Variants in KRTAP10-5 observed in about 807,000 individuals in gnomAD.
The protein encoded by KRTAP10-5 is keratin associated protein 10-5, also known as keratin-associated protein 10-5.
For missense variants in KRTAP10-5, 370 were observed against 351.2 expected (o/e 1.05, Z -0.43); for synonymous variants, 157 against 151.9 (o/e 1.03, Z -0.25).
At position 44,580,332 on chromosome 21, in the gene KRTAP10-5, G is replaced by C. The variant is rs782197151; in HGVS notation, c.247C>G (p.Pro83Ala). 1.7e-5 allele frequency: 27 copies of C among 1,613,738 alleles called. No homozygotes were observed. Among genetic ancestry groups the C allele is most frequent in the Non-Finnish European group, 2.1e-5 (25 of 1,179,998 alleles). ...GGCACGCAGCAGGCCTGCTGGCAGGGGGAGGAGGCGCAGCAAGCCGGCTGG... is the reference window on the plus strand; with the variant it reads ...GGCACGCAGCAGGCCTGCTGGCAGGCGGAGGAGGCGCAGCAAGCCGGCTGG... ...CCQPACCASS[P>A]CQQACCVPVC... Residue 83 changes from proline to alanine, a missense_variant, in exon 1 of 1, where the codon CCC (proline) becomes GCC (alanine). Pro to Ala is a conservative substitution (Grantham distance 27, BLOSUM62 -1). Coordinates refer to ENST00000400372, the MANE Select transcript of KRTAP10-5 (RefSeq NM_198694.3).
At position 44,580,224 on chromosome 21, in the gene KRTAP10-5, T is replaced by G; in HGVS notation, c.355A>C (p.Thr119Pro). 9 of 1,609,372 alleles carry G rather than the reference T, an allele frequency of 5.6e-6. No individual in the cohort carries two copies. The highest frequency in any genetic ancestry group is 7.6e-6 in the Non-Finnish European group (9 of 1,178,748). Reference sequence around the variant, plus strand: ...TGGCAGGAGGAAGAGGCACAGCAAGTTGGCTGGCAGCTAGACTGCTGGCAG... The same window carrying G: ...TGGCAGGAGGAAGAGGCACAGCAAGGTGGCTGGCAGCTAGACTGCTGGCAG... ...SCCQQSSCQP[T>P]CCASSSCQQS... Residue 119 changes from threonine (T) to proline (P), a missense_variant, in exon 1 of 1, where the codon ACT becomes CCT. Transcript: ENST00000400372.
rs1555924712 is a variant in KRTAP10-5, at chr21:44,579,961, C to T, written c.618G>A (p.Gln206=). ...AGCAGGAGGTGGTGCAGCAAGCCGGCTGACAGCTAGACTGCTGGCAGCATG... is the reference window on the plus strand; with the variant it reads ...AGCAGGAGGTGGTGCAGCAAGCCGGTTGACAGCTAGACTGCTGGCAGCATG... ...STSCCQQSSC[Q]PACCTTSCCR... Residue 206 remains glutamine, a synonymous_variant, in exon 1 of 1, where the codon CAG becomes CAA. Coordinates refer to ENST00000400372, the MANE Select transcript of KRTAP10-5 (RefSeq NM_198694.3). 2.5e-6 allele frequency: 4 copies of T among 1,614,014 alleles called. No homozygotes were observed. The highest frequency in any genetic ancestry group is 1.1e-5 in the South Asian group (1 of 91,062).
In KRTAP10-5 at chr21:44,580,332, G is replaced by T. The variant is rs782197151; in HGVS notation, c.247C>A (p.Pro83Thr). ...GGCACGCAGCAGGCCTGCTGGCAGG[G>T]GGAGGAGGCGCAGCAAGCCGGCTGG... ...CCQPACCASS[P>T]CQQACCVPVC... The change falls in exon 1 of 1, where the codon CCC becomes ACC. Residue 83 changes from proline to threonine, a missense_variant. Transcript: ENST00000400372. 4 of 1,613,738 alleles carry T rather than the reference G, an allele frequency of 2.5e-6. No homozygotes were observed. The highest frequency in any genetic ancestry group is 3.4e-6 in the Non-Finnish European group (4 of 1,179,998).
At position 44,580,311 on chromosome 21, in the gene KRTAP10-5, C is replaced by T. The variant is rs782464076; in HGVS notation, c.268G>A (p.Val90Met). The T allele has an allele frequency of 5.1e-5, 83 of 1,613,748 alleles. No homozygotes were observed. The highest frequency in any genetic ancestry group is 6.5e-5 in the Non-Finnish European group (77 of 1,179,962). ...CACACAGGCTTGCAGCAGACGGGCACGCAGCAGGCCTGCTGGCAGGGGGAG... is the reference window on the plus strand; with the variant it reads ...CACACAGGCTTGCAGCAGACGGGCATGCAGCAGGCCTGCTGGCAGGGGGAG... ...ASSPCQQACC[V>M]PVCCKPVCCL... The change falls in exon 1 of 1, where the codon GTG becomes ATG. Residue 90 changes from valine to methionine, a missense_variant. By Grantham distance (21) the Val-to-Met change is conservative. Transcript: ENST00000400372.
rs1978818725 is a variant in KRTAP10-5 at position 44,580,086 on chromosome 21, A to T, written c.493T>A (p.Ser165Thr). 6.2e-7 allele frequency: 1 copy of T among 1,613,166 alleles called. No homozygotes were observed. Among genetic ancestry groups the T allele is most frequent in the Admixed American group, 1.7e-5 (1 of 59,800 alleles). The change falls in exon 1 of 1, where the codon TCC (serine) becomes ACC (threonine). Residue 165 changes from serine (S) to threonine (T), a missense_variant. Physicochemically the swap from Ser to Thr is moderately conservative, Grantham distance 58 (BLOSUM62 1). Transcript: ENST00000400372. ...HSSCQPTCCT[S>T]SPCQQSCYVP... ...TAGCAGGACTGCTGGCAGGGGGAGG[A>T]GGTGCAGCAAGTCGGCTGGCAGCTA...
In KRTAP10-5 at chr21:44,579,887, G is replaced by T. The variant is rs1569198876; in HGVS notation, c.692C>A (p.Pro231His). The T allele has an allele frequency of 6.2e-7, 1 of 1,600,504 alleles. No homozygotes were observed. Among genetic ancestry groups the T allele is most frequent in the East Asian group, 2.3e-5 (1 of 44,160 alleles). Residue 231 changes from proline to histidine, a missense_variant, in exon 1 of 1, where the codon CCC becomes CAC. By Grantham distance (77) the Pro-to-His change is moderately conservative. Coordinates refer to ENST00000400372, the MANE Select transcript of KRTAP10-5 (RefSeq NM_198694.3). ...GGAGGAGATGGGCAGGCAGCAGGCG[G>T]GCCTGCATATGGGGCGGCAGAGGAG... ...VSLLCRPICR[P>H]ACCLPISSCC...
Position 44,580,195 on chromosome 21 carries a change from C to G in KRTAP10-5, c.384G>C (p.Gln128His), listed in dbSNP as rs782386606. 4 of 1,614,002 alleles carry G rather than the reference C, an allele frequency of 2.5e-6. No individual in the cohort carries two copies. Among genetic ancestry groups the G allele is most frequent in the Non-Finnish European group, 8.5e-7 (1 of 1,179,982 alleles). The change falls in exon 1 of 1, where the codon CAG becomes CAC. Residue 128 changes from glutamine (Q) to histidine (H), a missense_variant. Transcript: ENST00000400372. ...PTCCASSSCQ[Q>H]SCCVPVCCKP... ...TGCAGCAGACAGGCACACAGCAGGA[C>G]TGCTGGCAGGAGGAAGAGGCACAGC...
At position 44,579,970 on chromosome 21, in the gene KRTAP10-5, A is replaced by G. The variant is rs1569199026; in HGVS notation, c.609T>C (p.Ser203=). The change falls in exon 1 of 1, where the codon TCT becomes TCC. Residue 203 remains serine (S), a synonymous_variant. Coordinates refer to ENST00000400372, the MANE Select transcript of KRTAP10-5 (RefSeq NM_198694.3). ...SGASTSCCQQ[S]SCQPACCTTS... ...TGGTGCAGCAAGCCGGCTGACAGCT[A>G]GACTGCTGGCAGCATGAAGTGGAAG... 6.2e-7 allele frequency: 1 copy of G among 1,613,944 alleles called. No homozygotes were observed.
chr21:44,579,632 T>G lies in KRTAP10-5; in HGVS notation c.*131A>C. 1 of 1,156,842 alleles carries G rather than the reference T, an allele frequency of 8.6e-7. No individual in the cohort carries two copies. The highest frequency in any genetic ancestry group is 1.2e-6 in the Non-Finnish European group (1 of 832,378). The allele number at this position is 1,156,842 out of a possible 1,614,324, so 71.7% of individuals were successfully genotyped here. ...TCGAGGATGGAGATTCCTGGGAGTA[T>G]GGAGGGGGGGGTCACCTCAGCACAT... On this transcript the variant is annotated 3_prime_UTR_variant, in exon 1 of 1. Coordinates refer to ENST00000400372, the MANE Select transcript of KRTAP10-5 (RefSeq NM_198694.3).
In KRTAP10-5 at chr21:44,579,571, G is replaced by T; in HGVS notation, c.*192C>A. 1.4e-6 allele frequency: 1 copy of T among 704,778 alleles called. No homozygotes were observed. The highest frequency in any genetic ancestry group is 1.9e-5 in the South Asian group (1 of 51,536). The allele number at this position is 704,778 out of a possible 1,614,324, so 43.7% of individuals were successfully genotyped here. ...GGGAGGACAGGGGACCCAACAGGCA[G>T]GTGGGCCCCTGCTGGGAGGCAGGAG... On this transcript the variant is annotated 3_prime_UTR_variant, in exon 1 of 1. Coordinates refer to ENST00000400372, the MANE Select transcript of KRTAP10-5 (RefSeq NM_198694.3).
chr21:44,580,159 G>A lies in KRTAP10-5; in HGVS notation c.420C>T (p.Cys140=). 6.2e-7 allele frequency: 1 copy of A among 1,613,738 alleles called. No individual in the cohort carries two copies. The highest frequency in any genetic ancestry group is 8.5e-7 in the Non-Finnish European group (1 of 1,179,944). ...AATCCTCAGAACAGGTGGGCACACA[G>A]CACACGGGCTTGCAGCAGACAGGCA... is the stretch of plus-strand genomic sequence containing the variant. ...CCVPVCCKPV[C]CVPTCSEDSS... is the part of the protein sequence containing the mutation. The change falls in exon 1 of 1, where the codon TGC becomes TGT. Residue 140 remains cysteine, a synonymous_variant. Transcript: ENST00000400372.
chr21:44,579,695 G>A lies in KRTAP10-5; in HGVS notation c.*68C>T, dbSNP rs1358277115. On this transcript the variant is annotated 3_prime_UTR_variant, in exon 1 of 1. Transcript: ENST00000400372. ...CCAAGCGGGGGCAACCTCCTAACCCGAGTCAGGACCAGTTGGCCCTGGGGG... is the reference window on the plus strand; with the variant it reads ...CCAAGCGGGGGCAACCTCCTAACCCAAGTCAGGACCAGTTGGCCCTGGGGG... 5.8e-6 allele frequency: 9 copies of A among 1,556,236 alleles called. No individual in the cohort carries two copies. Among genetic ancestry groups the A allele is most frequent in the African/African-American group, 2.7e-5 (2 of 73,578 alleles).
rs782093945 is a variant in KRTAP10-5 at position 44,580,557 on chromosome 21, C to G, written c.22G>C (p.Val8Leu). ...GAGTCAGAGCAAGCGCTGGAGCAGA[C>G]GGACATGGTGCACGCGGCCATGCTG... MAACTMS[V>L]CSSACSDSWR... The change falls in exon 1 of 1, where the codon GTC (valine) becomes CTC (leucine). Residue 8 changes from valine to leucine, a missense_variant. Transcript: ENST00000400372. 1 of 1,612,838 alleles carries G rather than the reference C, an allele frequency of 6.2e-7. No homozygotes were observed. The highest frequency in any genetic ancestry group is 2.2e-5 in the East Asian group (1 of 44,880).
At position 44,579,685 on chromosome 21, in the gene KRTAP10-5, C is replaced by G; in HGVS notation, c.*78G>C. ...GGGCCCCGTCCCAAGCGGGGGCAAC[C>G]TCCTAACCCGAGTCAGGACCAGTTG... is the stretch of plus-strand genomic sequence containing the variant. On this transcript the variant is annotated 3_prime_UTR_variant, in exon 1 of 1. Coordinates refer to ENST00000400372, the MANE Select transcript of KRTAP10-5 (RefSeq NM_198694.3). 4.5e-6 allele frequency: 7 copies of G among 1,546,056 alleles called. No individual in the cohort carries two copies. In the South Asian group the frequency reaches 8.6e-5, roughly 19 times the overall value.
rs1487971619 is a variant in KRTAP10-5, at chr21:44,580,536, C to T, written c.43G>A (p.Asp15Asn). The change falls in exon 1 of 1, where the codon GAC becomes AAC. Residue 15 changes from aspartate to asparagine, a missense_variant. Coordinates refer to ENST00000400372, the MANE Select transcript of KRTAP10-5 (RefSeq NM_198694.3). Reference sequence around the variant, plus strand: ...GGGCAGTCGTCCACTCGCCAGGAGTCAGAGCAAGCGCTGGAGCAGACGGAC... The same window carrying T: ...GGGCAGTCGTCCACTCGCCAGGAGTTAGAGCAAGCGCTGGAGCAGACGGAC... ...TMSVCSSACSDSWRVDDCPES... is the reference protein window; with the variant it reads ...TMSVCSSACSNSWRVDDCPES... 8 of 1,613,594 alleles carry T rather than the reference C, an allele frequency of 5.0e-6. No homozygotes were observed. Among genetic ancestry groups the T allele is most frequent in the Non-Finnish European group, 5.1e-6 (6 of 1,179,934 alleles).
chr21:44,580,563 T>A lies in KRTAP10-5; in HGVS notation c.16A>T (p.Met6Leu). The A allele has an allele frequency of 1.9e-6, 3 of 1,611,952 alleles. No homozygotes were observed. Among genetic ancestry groups the A allele is most frequent in the South Asian group, 2.2e-5 (2 of 90,704 alleles). Residue 6 changes from methionine to leucine, a missense_variant, in exon 1 of 1, where the codon ATG (methionine) becomes TTG (leucine). Coordinates refer to ENST00000400372, the MANE Select transcript of KRTAP10-5 (RefSeq NM_198694.3). The part of the protein sequence containing the change: MAACT[M>L]SVCSSACSDS... Reference sequence around the variant, plus strand: ...GAGCAAGCGCTGGAGCAGACGGACATGGTGCACGCGGCCATGCTGGGGTGG... The same window carrying A: ...GAGCAAGCGCTGGAGCAGACGGACAAGGTGCACGCGGCCATGCTGGGGTGG...
rs1281974909 is a variant in KRTAP10-5 at position 44,579,747 on chromosome 21, G to A, written c.*16C>T. On this transcript the variant is annotated 3_prime_UTR_variant, in exon 1 of 1. Coordinates refer to ENST00000400372, the MANE Select transcript of KRTAP10-5 (RefSeq NM_198694.3). ...TGTGCACATCAGCAACTGGACTCCT[G>A]GCCTGAGCAGAGGCCTCAGCAGGCC... 1.9e-6 allele frequency: 3 copies of A among 1,604,782 alleles called. No homozygotes were observed. Among genetic ancestry groups the A allele is most frequent in the Admixed American group, 1.7e-5 (1 of 59,772 alleles).
Position 44,579,819 on chromosome 21 carries a change from G to A in KRTAP10-5, c.760C>T (p.Pro254Ser), listed in dbSNP as rs782465711. The change falls in exon 1 of 1, where the codon CCG (proline) becomes TCG (serine). Residue 254 changes from proline to serine, a missense_variant. Physicochemically the swap from Pro to Ser is moderately conservative, Grantham distance 74 (BLOSUM62 -1). Coordinates refer to ENST00000400372, the MANE Select transcript of KRTAP10-5 (RefSeq NM_198694.3). ...ASSYQASCCR[P>S]ASCVSLLCRP... ...CAGAGGAGGGACACGCAGGAGGCCG[G>A]GCGGCAGCAGCTGGCCTGGTAGGAG... The A allele has an allele frequency of 6.2e-7, 1 of 1,610,080 alleles. No individual in the cohort carries two copies. Among genetic ancestry groups the A allele is most frequent in the Non-Finnish European group, 8.5e-7 (1 of 1,178,228 alleles).
At position 44,579,882 on chromosome 21, in the gene KRTAP10-5, AGGCGGGCCTGCATATGG is replaced by A; in HGVS notation, c.680_696del (p.Pro227LeufsTer62). On this transcript the variant is annotated frameshift_variant, in exon 1 of 1. Transcript: ENST00000400372. LOFTEE classifies it low-confidence loss of function (END_TRUNC). ...CAGCAGGAGGAGATGGGCAGGCAGC[AGGCGGGCCTGCATATGG>A]GGCGGCAGAGGAGGGACACGGAGGA... 1 of 1,600,356 alleles carries A rather than the reference AGGCGGGCCTGCATATGG, an allele frequency of 6.2e-7. No individual in the cohort carries two copies. Among genetic ancestry groups the A allele is most frequent in the Non-Finnish European group, 8.5e-7 (1 of 1,169,878 alleles).
Sources: allele counts gnomAD v4.1 joint callset, GRCh38; gene constraint gnomAD v4.1.1; transcripts MANE v1.5; gene names NCBI Gene and HGNC (gene_info 2026-07-23, HGNC 2026-07-21).